The following LTBP2 variants were observed in gnomAD, a reference collection of about 807,000 sequenced individuals.
LTBP2 encodes the protein latent transforming growth factor beta binding protein 2.
Under a neutral mutation model 210.6 loss-of-function variants are expected in LTBP2, and 103 were observed. The observed-to-expected ratio is 0.49, with a 90% CI of 0.42 to 0.58. The LOEUF is 0.58. Ranked by LOEUF, LTBP2 falls within the 20% of genes least tolerant of loss-of-function variation. The pLI is 0.00. For synonymous variants in LTBP2, 1,007 were observed against 1,015.0 expected, an observed-to-expected ratio of 0.99 and a Z score of 0.15; for missense variants, 2,313 against 2,494.5, an observed-to-expected ratio of 0.93 and a Z score of 1.55.
chr14:74,603,892 G>T (rs1166735447), intron 1 of LTBP2, among the ~76,000 whole-genome samples, 187 bp from the exon 2 acceptor site: 1 of 152,050 alleles, frequency 6.6e-6, no homozygotes. Context: ...GCACATCCCT[G>T]GGAAACCTCA....
chr14:74,587,970 T>A (rs2088231031), intron 2 of LTBP2, among the ~76,000 whole-genome samples: 1 of 152,212 alleles, frequency 6.6e-6, no homozygotes, highest in African/African-American at 2.4e-5. Context: ...GCTGGCCTGC[T>A]GGCTGTGGCC....
chr14:74,531,497 C>T (rs891035419), intron 10 of LTBP2, among the ~76,000 whole-genome samples: 1 of 152,186 alleles, frequency 6.6e-6, no homozygotes, highest in African/African-American at 2.4e-5. Flanking sequence ...ACATGTTCTC[C>T]CCACTCTGGG....
At chr14:74,580,606 T>C (rs1365295774) in intron 3 of LTBP2, among the ~76,000 whole-genome samples, 1 of 152,200 alleles carries the variant, frequency 6.6e-6, no homozygotes, top group Non-Finnish European at 1.5e-5. Context: ...TTCCAGCTCC[T>C]GAGCTATAAG....
intron 4 of LTBP2, 121 bp from the exon 5 acceptor site, chr14:74,553,183 T>C: frequency 1.0e-6 from 1 of 960,310 alleles, no homozygotes; most frequent in South Asian, 1.4e-5. Context: ...ATTTGCTGAG[T>C]ACCTACTGGA....
chr14:74,578,816 G>A (rs2088097145), intron 3 of LTBP2, among the ~76,000 whole-genome samples: 1 of 152,174 alleles, frequency 6.6e-6, no homozygotes, highest in South Asian at 2.1e-4. Flanking sequence ...CCCAGGCTGG[G>A]TGTCTGTTCC....
chr14:74,594,677 G>T (rs2088332933), intron 2 of LTBP2, among the ~76,000 whole-genome samples: 1 of 152,326 alleles, frequency 6.6e-6, no homozygotes, highest in East Asian at 1.9e-4. Flanking sequence ...TCTGCTTACT[G>T]GGGGGTCCAC....
At position 74,552,204 on chromosome 14, in the gene LTBP2, G is replaced by C. The variant is rs765689019; in HGVS notation, c.1382C>G (p.Pro461Arg). 5 of 1,609,562 alleles carry C rather than the reference G, an allele frequency of 3.1e-6. No homozygotes were observed. The East Asian group carries it at 1.1e-4, about 36-fold the overall frequency. ...GCACTCACCCAGCTGGTTGGAGAGCGGCAGTGTGAAAGTGGACTGCTTCAG... is the reference window on the plus strand; with the variant it reads ...GCACTCACCCAGCTGGTTGGAGAGCCGCAGTGTGAAAGTGGACTGCTTCAG... ...APLKQSTFTL[P>R]LSNQLASVNP... is the part of the protein sequence containing the mutation. Residue 461 changes from proline (P) to arginine (R), a missense_variant, in exon 6 of 36, where the codon CCG (proline) becomes CGG (arginine). By Grantham distance (103) the Pro-to-Arg change is moderately radical. Transcript: ENST00000261978.
In LTBP2 at chr14:74,509,700, C is replaced by T. The variant is rs746626327; in HGVS notation, c.3277+34G>A. On this transcript the variant is annotated intron_variant, in intron 21 of 35. Coordinates refer to ENST00000261978, the MANE Select transcript of LTBP2 (RefSeq NM_000428.3). ...TTTGGGAGGTAAGACAGCCTATATT[C>T]TGTCCCCTTCCACCACTGCCTCCCC... The T allele has an allele frequency of 8.1e-6, 13 of 1,613,682 alleles. No individual in the cohort carries two copies. In the Admixed American group the frequency reaches 2.2e-4, roughly 27 times the overall value.
intron 3 of LTBP2, among the ~76,000 whole-genome samples, chr14:74,566,083 AT>A (rs1234624200): frequency 7.3e-5 from 11 of 151,348 alleles, no homozygotes; most frequent in East Asian, 5.8e-4. Context: ...TTTTTTTTTA[AT>A]TTTTTTTATG....
intron 8 of LTBP2, among the ~76,000 whole-genome samples, chr14:74,545,748 C>A (rs2087568110): frequency 6.6e-6 from 1 of 152,194 alleles, no homozygotes; most frequent in African/African-American, 2.4e-5. Context: ...CAGACTCTGG[C>A]AGGAGGATTG....
intron 2 of LTBP2, among the ~76,000 whole-genome samples, chr14:74,587,696 AG>A (rs1204581743): frequency 6.6e-6 from 1 of 152,090 alleles, no homozygotes. Flanking sequence ...AGGGATCCTA[AG>A]GGCACCTGTG....
intron 8 of LTBP2, among the ~76,000 whole-genome samples, chr14:74,546,718 C>T (rs1249694761): frequency 6.6e-6 from 1 of 152,182 alleles, no homozygotes; most frequent in Non-Finnish European, 1.5e-5. Flanking sequence ...CCACAGAGCT[C>T]TGCTCCCGTG....
chr14:74,596,793 G>C (rs928364221), intron 2 of LTBP2, among the ~76,000 whole-genome samples: 2 of 152,206 alleles, frequency 1.3e-5, no homozygotes, highest in Non-Finnish European at 2.9e-5. Flanking sequence ...TCAAGTCGAT[G>C]GGGGTGCCAG....
chr14:74,602,605 G>C (rs1208753866), intron 2 of LTBP2, among the ~76,000 whole-genome samples: 1 of 152,142 alleles, frequency 6.6e-6, no homozygotes, highest in Non-Finnish European at 1.5e-5. Context: ...TCATCCACCC[G>C]CCACAGAGGA....
At chr14:74,501,704 G>T in intron 34 of LTBP2, 114 bp from the exon 35 acceptor site, 4 of 1,329,018 alleles carry the variant, frequency 3.0e-6, no homozygotes, top group Non-Finnish European at 4.2e-6. Context: ...CTGTGGGGGT[G>T]GGGGCAGAGA....
At chr14:74,587,206 G>A (rs554873805) in intron 2 of LTBP2, among the ~76,000 whole-genome samples, 7 of 152,188 alleles carry the variant, frequency 4.6e-5, no homozygotes, top group East Asian at 3.9e-4. Flanking sequence ...GGCTCACACC[G>A]CACCCTCGAA....
rs570997244 is a variant in LTBP2, at chr14:74,498,201, A to AT, written c.*2682dup. ...CAGCAACTGTATTTAAAAATATTTT[A>AT]TTTTTTTTGAATAGGTGATACATAT... is the stretch of plus-strand genomic sequence containing the variant. On this transcript the variant is annotated 3_prime_UTR_variant, in exon 36 of 36. Coordinates refer to ENST00000261978, the MANE Select transcript of LTBP2 (RefSeq NM_000428.3). 28 of 174,816 alleles carry AT rather than the reference A, an allele frequency of 1.6e-4. No homozygotes were observed. The highest frequency in any genetic ancestry group is 2.7e-4 in the Non-Finnish European group (22 of 81,076). The allele number at this position is 174,816 out of a possible 1,614,324, so 10.8% of individuals were successfully genotyped here. A position where few individuals can be genotyped will look rare whatever the true frequency, so the allele number is the denominator to read the frequency against.
intron 2 of LTBP2, among the ~76,000 whole-genome samples, chr14:74,595,129 G>T (rs895867535): frequency 1.3e-5 from 2 of 152,268 alleles, no homozygotes; most frequent in African/African-American, 4.8e-5. Flanking sequence ...CAGACCAAGC[G>T]GGCCTCTACC....
chr14:74,509,843 G>T lies in LTBP2; in HGVS notation c.3168C>A (p.Ala1056=). The stretch of plus-strand genomic sequence containing the variant: ...GGCCTGTGGGGCATGAGGCCCGGCT[G>T]GCACACTCATCCACATCTGAAATAG... ...EKGCQDVDEC[A]SRASCPTGLC... is the part of the protein sequence containing the mutation. Residue 1056 remains alanine (A), a synonymous_variant, in exon 21 of 36, where the codon GCC becomes GCA. Coordinates refer to ENST00000261978, the MANE Select transcript of LTBP2 (RefSeq NM_000428.3). The T allele has an allele frequency of 6.2e-7, 1 of 1,614,026 alleles. No homozygotes were observed. The highest frequency in any genetic ancestry group is 8.5e-7 in the Non-Finnish European group (1 of 1,180,020).
Sources: allele counts gnomAD v4.1 joint callset (sites outside exome capture counted in the v4.1 genomes callset), GRCh38; gene constraint gnomAD v4.1.1; transcripts MANE v1.5; gene names NCBI Gene and HGNC (gene_info 2026-07-23, HGNC 2026-07-21).